The following SLC27A1 variants were observed in gnomAD, a reference collection of about 807,000 sequenced individuals.
The protein encoded by SLC27A1 is solute carrier family 27 member 1, also known as long-chain fatty acid transport protein 1.
A neutral mutation model predicts 62.2 loss-of-function variants in SLC27A1; 61 were observed. That is an observed-to-expected ratio of 0.98 (90% confidence interval 0.80 to 1.21). The LOEUF is 1.21. Among genes scored for constraint, SLC27A1 ranks in the 50% most tolerant of loss-of-function variants. The probability of loss-of-function intolerance (pLI) is 0.00; values close to 1 mark genes in which losing one functional copy is unlikely to be tolerated. For missense variants in SLC27A1, 903 were observed against 932.1 expected (o/e 0.97, Z 0.41); for synonymous variants, 435 against 408.6 (o/e 1.06, Z -0.78).
chr19:17,486,964 C>T lies in SLC27A1; in HGVS notation c.562+7C>T, dbSNP rs755363198. The stretch of plus-strand genomic sequence containing the variant: ...GGAGGAGAAATGGTGGCGGGTGAGG[C>T]CAGGCGTGGGCATCAGGTGGGCGGG... On this transcript the variant is annotated splice_region_variant and intron_variant, in intron 2 of 11. Transcript: ENST00000252595. This position sits in a 1 kb window ranked among gnomAD's most constrained non-coding sequence, Gnocchi z 6.6. 1.3e-5 allele frequency: 20 copies of T among 1,561,824 alleles called. No individual in the cohort carries two copies. Among genetic ancestry groups the T allele is most frequent in the Non-Finnish European group, 1.4e-5 (16 of 1,160,416 alleles).
At position 17,504,697 on chromosome 19, in the gene SLC27A1, T is replaced by C; in HGVS notation, c.*85T>C. On this transcript the variant is annotated 3_prime_UTR_variant, in exon 12 of 12. Transcript: ENST00000252595. ...ACAGCGCTGCCCAGGGGTGGCCGCC[T>C]AGTACACACCCACCTGGCCGAGCTG... 6.4e-7 allele frequency: 1 copy of C among 1,553,908 alleles called. No homozygotes were observed. The highest frequency in any genetic ancestry group is 8.8e-7 in the Non-Finnish European group (1 of 1,139,314).
chr19:17,497,592 A>G (rs564896702), intron 7 of SLC27A1, 128 bp downstream of exon 7: 22 of 843,544 alleles, frequency 2.6e-5, no homozygotes, highest in Middle Eastern at 4.3e-4. Context: ...AGGCGCACGC[A>G]GGGCGGGGTG....
chr19:17,494,887 C>T (rs533013349), intron 6 of SLC27A1, among the ~76,000 whole-genome samples: 1 of 151,468 alleles, frequency 6.6e-6, no homozygotes, highest in African/African-American at 2.4e-5. Context: ...GCGCCCTATG[C>T]GGATGGCACA....
rs2075359378 is a variant in SLC27A1, at chr19:17,497,273, G to A, written c.1015G>A (p.Glu339Lys). The A allele has an allele frequency of 1.2e-6, 2 of 1,604,342 alleles. No homozygotes were observed. The highest frequency in any genetic ancestry group is 1.3e-5 in the African/African-American group (1 of 74,084). The change falls in exon 7 of 12, where the codon GAG becomes AAG. Residue 339 changes from glutamate to lysine, a missense_variant. Physicochemically the swap from Glu to Lys is moderately conservative, Grantham distance 56 (BLOSUM62 1). Coordinates refer to ENST00000252595, the MANE Select transcript of SLC27A1 (RefSeq NM_198580.3). The stretch of plus-strand genomic sequence containing the variant: ...CCCCCAGGTGGTTCAGTACATCGGG[G>A]AGATCTGCCGCTACCTGCTGAAGCA... ...YNCTVVQYIG[E>K]ICRYLLKQPV...
chr19:17,486,655 A>G lies in SLC27A1; in HGVS notation c.260A>G (p.Gln87Arg), dbSNP rs2075233289. ...TIPRIFQAVVQRQPERLALVD... is the reference protein window; with the variant it reads ...TIPRIFQAVVRRQPERLALVD... ...CCGCGCATCTTTCAGGCGGTAGTGC[A>G]GCGACAGCCCGAGCGCCTGGCGCTG... The change falls in exon 2 of 12, where the codon CAG becomes CGG. Residue 87 changes from glutamine (Q) to arginine (R), a missense_variant. Transcript: ENST00000252595. This position sits in a 1 kb window ranked among gnomAD's most constrained non-coding sequence, Gnocchi z 6.6. The G allele has an allele frequency of 6.2e-7, 1 of 1,607,388 alleles. No individual in the cohort carries two copies. Among genetic ancestry groups the G allele is most frequent in the African/African-American group, 1.3e-5 (1 of 74,924 alleles).
intron 11 of SLC27A1, among the ~76,000 whole-genome samples, chr19:17,502,111 G>A (rs914167609): frequency 4.6e-5 from 7 of 151,664 alleles, no homozygotes; most frequent in African/African-American, 1.7e-4. Flanking sequence ...GTGAGACAAT[G>A]TCTCAAAATA....
At position 17,502,154 on chromosome 19, in the gene SLC27A1, GACAA is replaced by G. The variant is rs544225131; in HGVS notation, c.1783+742_1783+745del. ...TAATTTCAACATGATTTTTGGTGCGGACAAACAAACCATATCCAAACCATTTACT... is the reference window on the plus strand; with the variant it reads ...TAATTTCAACATGATTTTTGGTGCGGACAAACCATATCCAAACCATTTACT... On this transcript the variant is annotated intron_variant, in intron 11 of 11. Transcript: ENST00000252595. 2.5e-4 allele frequency among the ~76,000 whole-genome samples: 38 copies of G among 151,886 alleles called. No homozygotes were observed. The South Asian group carries it at 7.1e-3, about 28-fold the overall frequency.
intron 11 of SLC27A1, among the ~76,000 whole-genome samples, chr19:17,503,257 A>G (rs1409307831): frequency 6.6e-6 from 1 of 152,150 alleles, no homozygotes; most frequent in Non-Finnish European, 1.5e-5. Flanking sequence ...AAAATATATC[A>G]GGGTCTCACT....
intron 6 of SLC27A1, among the ~76,000 whole-genome samples, chr19:17,494,018 TTC>T (rs2075322088): frequency 7.0e-6 from 1 of 141,956 alleles, no homozygotes. Context: ...AGGTAGCTGT[TTC>T]TTTTTTTTTT....
Position 17,500,520 on chromosome 19 carries a change from G to C in SLC27A1, c.1359G>C (p.Gln453His), listed in dbSNP as rs746796393. ...QAGEPGLLVG[Q>H]INQQDPLRRF... ...GGGAGCCTGGCCTCCTTGTGGGTCA[G>C]ATCAACCAACAGGACCCGCTGCGCC... The change falls in exon 9 of 12, where the codon CAG becomes CAC. Residue 453 changes from glutamine (Q) to histidine (H), a missense_variant. Physicochemically the swap from Gln to His is conservative, Grantham distance 24. Transcript: ENST00000252595. The C allele has an allele frequency of 6.2e-7, 1 of 1,613,498 alleles. No individual in the cohort carries two copies. The highest frequency in any genetic ancestry group is 1.1e-5 in the South Asian group (1 of 91,054).
At chr19:17,480,459 C>G (rs137978448) in intron 1 of SLC27A1, among the ~76,000 whole-genome samples, 1 of 151,418 alleles carries the variant, frequency 6.6e-6, no homozygotes, top group Admixed American at 6.6e-5. Flanking sequence ...CAACCCTGAC[C>G]TCCTAGGCCC....
intron 11 of SLC27A1, among the ~76,000 whole-genome samples, chr19:17,502,655 C>T (rs2075430115): frequency 6.6e-6 from 1 of 151,690 alleles, no homozygotes; most frequent in Non-Finnish European, 1.5e-5. Flanking sequence ...CACCCGGCCT[C>T]GGTGTATCTT....
intron 1 of SLC27A1, among the ~76,000 whole-genome samples, chr19:17,480,947 T>C (rs942149309): frequency 2.6e-5 from 4 of 151,432 alleles, no homozygotes; most frequent in Non-Finnish European, 5.9e-5. Flanking sequence ...TTTTTTGAGA[T>C]GGAGTTTTGC....
rs745715850 is a variant in SLC27A1 at position 17,504,735 on chromosome 19, C to T, written c.*123C>T. On this transcript the variant is annotated 3_prime_UTR_variant, in exon 12 of 12. Coordinates refer to ENST00000252595, the MANE Select transcript of SLC27A1 (RefSeq NM_198580.3). ...CCTGGCCGAGCTGTACCTGGCACGG[C>T]CCATCCTGGACTGAGAAACTGGAAC... 1.5e-6 allele frequency: 2 copies of T among 1,306,556 alleles called. No homozygotes were observed. The highest frequency in any genetic ancestry group is 1.8e-4 in the Middle Eastern group (1 of 5,514). The allele number at this position is 1,306,556 out of a possible 1,614,324, so 80.9% of individuals were successfully genotyped here.
intron 8 of SLC27A1, 32 bp from the exon 9 acceptor site, chr19:17,500,463 C>G (rs750846616): frequency 6.2e-7 from 1 of 1,612,738 alleles, no homozygotes; most frequent in South Asian, 1.1e-5. Context: ...CCCTGCCTGC[C>G]TAGCGCAGCC....
chr19:17,491,283 C>T (rs1305369303), intron 6 of SLC27A1: 1 of 151,970 alleles, frequency 6.6e-6, no homozygotes, highest in African/African-American at 2.4e-5. Flanking sequence ...ATTCTCATGC[C>T]CCCCAAAGGA....
chr19:17,496,181 T>C (rs1320131396), intron 6 of SLC27A1: 1 of 152,304 alleles, frequency 6.6e-6, no homozygotes, highest in Non-Finnish European at 1.5e-5. Flanking sequence ...GCAACTGTTT[T>C]ATTCCCACTC....
intron 1 of SLC27A1, among the ~76,000 whole-genome samples, chr19:17,485,811 TGA>T (rs1024846254): frequency 1.3e-5 from 2 of 151,076 alleles, no homozygotes; most frequent in African/African-American, 4.9e-5. Context: ...GGCGACAGAG[TGA>T]GACTCCGTCT....
chr19:17,500,560 G>A lies in SLC27A1; in HGVS notation c.1399G>A (p.Val467Ile), dbSNP rs780599314. The A allele has an allele frequency of 6.2e-7, 1 of 1,613,714 alleles. No homozygotes were observed. The highest frequency in any genetic ancestry group is 2.2e-5 in the East Asian group (1 of 44,890). Residue 467 changes from valine to isoleucine, a missense_variant, in exon 9 of 12, where the codon GTC (valine) becomes ATC (isoleucine). Physicochemically the swap from Val to Ile is conservative, Grantham distance 29. Coordinates refer to ENST00000252595, the MANE Select transcript of SLC27A1 (RefSeq NM_198580.3). ...QDPLRRFDGY[V>I]SESATSKKIA... ...CCCGCTGCGCCGCTTCGATGGCTAT[G>A]TCAGCGAGAGCGCCACCAGCAAGAA...
Sources: gnomAD v4.1 joint callset for allele counts (sites outside exome capture counted in the v4.1 genomes callset) on GRCh38, gnomAD v4.1.1 for gene constraint, Gnocchi (gnomAD v3.1) non-coding constraint, MANE v1.5 for transcripts, NCBI Gene and HGNC (gene_info 2026-07-23, HGNC 2026-07-21) for gene names.